The following CTNNA3 variants were observed in gnomAD, a reference collection of about 807,000 sequenced individuals.
CTNNA3 encodes catenin alpha 3.
CTNNA3 carries 76 observed loss-of-function variants against 95.7 expected under a neutral mutation model. The ratio of observed to expected loss-of-function variants is 0.79; its 90% CI spans 0.66 to 0.96. The LOEUF is 0.96. Ranked by LOEUF, CTNNA3 falls within the 40% of genes least tolerant of loss-of-function variation. The pLI, the probability that CTNNA3 is intolerant of heterozygous loss-of-function variation, is 0.00. For synonymous variants in CTNNA3, 431 were observed against 374.4 expected, an observed-to-expected ratio of 1.15 and a Z score of -1.74; for missense variants, 1,191 against 1,089.8, an observed-to-expected ratio of 1.09 and a Z score of -1.31.
At chr10:66,175,997 C>T (rs1301337183) in intron 13 of CTNNA3, among the ~76,000 whole-genome samples, 2 of 152,122 alleles carry the variant, frequency 1.3e-5, no homozygotes, top group Admixed American at 6.6e-5. Context: ...TTTTCTATCA[C>T]AGTCAGCTGG....
At chr10:65,983,188 G>A (rs2078360119) in intron 16 of CTNNA3, among the ~76,000 whole-genome samples, 1 of 151,624 alleles carries the variant, frequency 6.6e-6, no homozygotes, top group Admixed American at 6.6e-5. Context: ...AGGTGGGAAT[G>A]TCCAGTTATT....
chr10:66,469,822 G>A (rs947755167), intron 11 of CTNNA3, among the ~76,000 whole-genome samples: 2 of 151,806 alleles, frequency 1.3e-5, no homozygotes, highest in African/African-American at 4.8e-5. Flanking sequence ...CTGGAGATGA[G>A]TTTAAAAGCA....
intron 2 of CTNNA3, among the ~76,000 whole-genome samples, chr10:67,638,141 T>A (rs887364329): frequency 2.2e-4 from 33 of 152,206 alleles, no homozygotes; most frequent in Middle Eastern, 3.4e-3. Flanking sequence ...GAGACACACA[T>A]AGGCTCAAAA....
At chr10:66,003,436 T>C (rs1318482289) in intron 15 of CTNNA3, among the ~76,000 whole-genome samples, 1 of 152,040 alleles carries the variant, frequency 6.6e-6, no homozygotes, top group Non-Finnish European at 1.5e-5. Context: ...TGTTCTTCGG[T>C]CCTCAAATAC....
intron 7 of CTNNA3, among the ~76,000 whole-genome samples, chr10:67,134,095 T>G (rs1382565691): frequency 6.6e-6 from 1 of 152,134 alleles, no homozygotes; most frequent in East Asian, 1.9e-4. Flanking sequence ...CTAGCCTGTG[T>G]AATTCCAAAG....
chr10:67,194,925 T>C (rs1471663149), intron 6 of CTNNA3, among the ~76,000 whole-genome samples: 1 of 152,038 alleles, frequency 6.6e-6, no homozygotes, highest in Non-Finnish European at 1.5e-5. Context: ...AAAAGTCTTC[T>C]AGTCTTTAAT....
chr10:66,706,490 A>T (rs1244172981), intron 9 of CTNNA3, among the ~76,000 whole-genome samples: 3 of 151,862 alleles, frequency 2.0e-5, no homozygotes, highest in Non-Finnish European at 4.4e-5. Flanking sequence ...ATTTCTGAGC[A>T]TATTATTGAC....
At position 67,392,383 on chromosome 10, in the gene CTNNA3, G is replaced by A. The variant is rs951217752; in HGVS notation, c.579+129459C>T. Among the ~76,000 whole-genome samples, 14 of 152,196 alleles carry A rather than the reference G, an allele frequency of 9.2e-5. 1 individual carries two copies. Among genetic ancestry groups the A allele is most frequent in the South Asian group, 6.2e-4 (3 of 4,818 alleles). On this transcript the variant is annotated intron_variant, in intron 5 of 17. Transcript: ENST00000433211. ...ACCATCTCACACCAGTTAGAATGGCGATCATTAAAAAGTCAGGAAACAACA... is the reference window on the plus strand; with the variant it reads ...ACCATCTCACACCAGTTAGAATGGCAATCATTAAAAAGTCAGGAAACAACA...
At chr10:66,967,125 A>G (rs1849467437) in intron 7 of CTNNA3, among the ~76,000 whole-genome samples, 2 of 152,034 alleles carry the variant, frequency 1.3e-5, no homozygotes, top group South Asian at 4.1e-4. Context: ...TGCTAATGAA[A>G]CAATGGTTAT....
At chr10:67,171,796 T>A (rs991589359) in intron 7 of CTNNA3, among the ~76,000 whole-genome samples, 1 of 152,004 alleles carries the variant, frequency 6.6e-6, no homozygotes, top group Admixed American at 6.6e-5. Flanking sequence ...AATTAATATA[T>A]TTCAATGGAA....
At chr10:66,596,113 T>A (rs936851266) in intron 10 of CTNNA3, among the ~76,000 whole-genome samples, 1 of 151,902 alleles carries the variant, frequency 6.6e-6, no homozygotes, top group Admixed American at 6.6e-5. Flanking sequence ...CCCAGAATAC[T>A]AAGGGGATTA....
chr10:67,365,073 C>T (rs1000929614), intron 5 of CTNNA3, among the ~76,000 whole-genome samples: 5 of 152,096 alleles, frequency 3.3e-5, no homozygotes, highest in African/African-American at 1.2e-4. Context: ...TAATACCACA[C>T]ATCTACAACT....
intron 5 of CTNNA3, among the ~76,000 whole-genome samples, chr10:67,337,462 G>A (rs1462199650): frequency 1.3e-5 from 2 of 152,192 alleles, no homozygotes; most frequent in African/African-American, 4.8e-5. Flanking sequence ...TGGTGAAGAT[G>A]CAGTGAACAC....
At chr10:65,927,154 C>T (rs1293351895) in intron 17 of CTNNA3, among the ~76,000 whole-genome samples, 1 of 151,954 alleles carries the variant, frequency 6.6e-6, no homozygotes, top group African/African-American at 2.4e-5. Context: ...AGAATGATTT[C>T]AATATGTTTT....
chr10:67,520,289 C>T (rs558261672), intron 5 of CTNNA3, among the ~76,000 whole-genome samples: 35 of 152,250 alleles, frequency 2.3e-4, no homozygotes, highest in African/African-American at 8.2e-4. Context: ...ATCCTCAATG[C>T]CATTCTCCCA....
chr10:67,756,528 G>A (rs1841433961), intron 1 of CTNNA3, among the ~76,000 whole-genome samples: 1 of 152,032 alleles, frequency 6.6e-6, no homozygotes, highest in African/African-American at 2.4e-5. Flanking sequence ...AAATGAAGTA[G>A]CAATACATGC....
intron 5 of CTNNA3, among the ~76,000 whole-genome samples, chr10:67,474,135 C>A (rs949030903): frequency 1.3e-5 from 2 of 152,106 alleles, no homozygotes; most frequent in African/African-American, 4.8e-5. Context: ...TTTAACTCTG[C>A]CAAAACTTCT....
chr10:66,582,510 T>A (rs1309021929), intron 10 of CTNNA3, among the ~76,000 whole-genome samples: 1 of 151,780 alleles, frequency 6.6e-6, no homozygotes, highest in Non-Finnish European at 1.5e-5. Flanking sequence ...TTTGCTGAAT[T>A]CATTTATCAG....
chr10:66,867,786 A>G (rs900630616), intron 7 of CTNNA3, among the ~76,000 whole-genome samples: 2 of 151,692 alleles, frequency 1.3e-5, no homozygotes, highest in African/African-American at 4.8e-5. Flanking sequence ...ATATTTTTCA[A>G]TGTACAGATA....
Sources: allele counts gnomAD v4.1 joint callset (sites outside exome capture counted in the v4.1 genomes callset), GRCh38; gene constraint gnomAD v4.1.1; transcripts MANE v1.5; gene names NCBI Gene and HGNC (gene_info 2026-07-23, HGNC 2026-07-21).